The following WDR27 variants were observed in gnomAD, a reference collection of about 807,000 sequenced individuals.
WDR27 encodes WD repeat-containing protein 27.
In WDR27, 100 loss-of-function variants were observed where a neutral mutation model predicts 114.4. The ratio of observed to expected loss-of-function variants is 0.87; its 90% CI spans 0.74 to 1.03. WDR27 has a LOEUF of 1.03. Ranked by LOEUF, WDR27 falls within the 50% of genes least tolerant of loss-of-function variation. WDR27 has a pLI of 0.00. For synonymous variants in WDR27, 449 were observed against 423.1 expected (o/e 1.06, Z -0.75); for missense variants, 1,129 against 1,092.9 (o/e 1.03, Z -0.47).
intron 1 of WDR27, among the ~76,000 whole-genome samples, chr6:169,700,672 T>C (rs150309617): frequency 0.016 from 2,486 of 152,318 alleles, 42 homozygotes; most frequent in African/African-American, 0.041. Context: ...TACACAGGAC[T>C]GTGTGAGCAA....
chr6:169,581,024 C>G (rs7752938), intron 24 of WDR27, among the ~76,000 whole-genome samples: 1 of 149,486 alleles, frequency 6.7e-6, no homozygotes, highest in Non-Finnish European at 1.5e-5. Flanking sequence ...TATACGTATA[C>G]ATAACTGGTT....
intron 23 of WDR27, among the ~76,000 whole-genome samples, chr6:169,601,024 A>C (rs1019057587): frequency 5.3e-5 from 8 of 152,296 alleles, no homozygotes; most frequent in African/African-American, 1.9e-4. Context: ...AGATTCACCA[A>C]AGTTGAAATG....
intron 9 of WDR27, among the ~76,000 whole-genome samples, chr6:169,661,618 G>C (rs958728619): frequency 2.6e-5 from 4 of 152,144 alleles, no homozygotes; most frequent in Admixed American, 6.5e-5. Context: ...CTCTGCTCGA[G>C]GTAAGCCAGG....
the WDR27 span, among the ~76,000 whole-genome samples, chr6:169,447,414 G>T: frequency 0.018 from 2,757 of 152,162 alleles, 84 homozygotes; most frequent in African/African-American, 0.063. Context: ...ATTTTAGTGG[G>T]AAATCTCTGG....
intron 14 of WDR27, among the ~76,000 whole-genome samples, chr6:169,650,344 T>G (rs1466522488): frequency 8.7e-6 from 1 of 114,830 alleles, no homozygotes; most frequent in Non-Finnish European, 1.8e-5. Flanking sequence ...CATCCATCCC[T>G]CATCTCTGCA....
intron 22 of WDR27, among the ~76,000 whole-genome samples, chr6:169,607,264 G>A (rs1809400024): frequency 6.6e-6 from 1 of 152,058 alleles, no homozygotes; most frequent in Non-Finnish European, 1.5e-5. Flanking sequence ...AAGAAGTCAT[G>A]ATTTCAAAAA....
In WDR27 at chr6:169,665,882, G is replaced by A. The variant is rs969647306; in HGVS notation, c.713-326C>T. On this transcript the variant is annotated intron_variant, in intron 6 of 25. Transcript: ENST00000448612. ...TGGGCTTAAACCACGGCCCAGCTCC[G>A]GCTGCTTTATAGCCTAGAGGGAGGG... Among the ~76,000 whole-genome samples, 12 of 152,248 alleles carry A rather than the reference G, an allele frequency of 7.9e-5. No individual in the cohort carries two copies. In the South Asian group the frequency reaches 1.2e-3, roughly 16 times the overall value.
At chr6:169,496,512 C>G (rs937933650) in intron 25 of WDR27, among the ~76,000 whole-genome samples, 4 of 152,084 alleles carry the variant, frequency 2.6e-5, no homozygotes, top group Non-Finnish European at 5.9e-5. Flanking sequence ...GTACAATTAT[C>G]TTTGTTTGCA....
chr6:169,493,127 A>G (rs1485575444), intron 25 of WDR27, among the ~76,000 whole-genome samples: 1 of 152,082 alleles, frequency 6.6e-6, no homozygotes, highest in Non-Finnish European at 1.5e-5. Flanking sequence ...TTGGATTAAA[A>G]TTATAAAATT....
intron 25 of WDR27, among the ~76,000 whole-genome samples, chr6:169,520,997 C>A (rs765882358): frequency 6.6e-6 from 1 of 151,962 alleles, no homozygotes; most frequent in Non-Finnish European, 1.5e-5. Context: ...AGAAAACTTG[C>A]CAAACTTTGA....
intron 7 of WDR27, 21 bp downstream of exon 7, chr6:169,665,465 T>C (rs1827577639): frequency 6.2e-7 from 1 of 1,608,440 alleles, no homozygotes; most frequent in Non-Finnish European, 8.5e-7. Context: ...GAACTGGAAC[T>C]TAACTCTGTG....
At chr6:169,464,864 T>C (rs768005842) in intron 25 of WDR27, among the ~76,000 whole-genome samples, 1 of 152,280 alleles carries the variant, frequency 6.6e-6, no homozygotes, top group Non-Finnish European at 1.5e-5. Context: ...CCCATGCCTG[T>C]AATCCCAGCA....
intron 23 of WDR27, among the ~76,000 whole-genome samples, chr6:169,588,519 T>C (rs540877801): frequency 1.6e-4 from 25 of 152,336 alleles, no homozygotes; most frequent in African/African-American, 5.5e-4. Context: ...AAAAAAATCA[T>C]GTATAAGTGG....
intron 25 of WDR27, among the ~76,000 whole-genome samples, chr6:169,469,785 C>T (rs1786097533): frequency 6.6e-6 from 1 of 152,210 alleles, no homozygotes; most frequent in East Asian, 1.9e-4. Context: ...CATTAGTTTA[C>T]ACTGGCAATG....
At chr6:169,652,128 A>G (rs1822757300) in intron 13 of WDR27, 120 bp from the exon 14 acceptor site, 3 of 851,476 alleles carry the variant, frequency 3.5e-6, no homozygotes, top group Non-Finnish European at 5.4e-6. Flanking sequence ...TGAATTCCTG[A>G]CCATAAATTT....
At chr6:169,485,235 C>T (rs1788723450) in intron 25 of WDR27, among the ~76,000 whole-genome samples, 1 of 152,146 alleles carries the variant, frequency 6.6e-6, no homozygotes, top group South Asian at 2.1e-4. Context: ...AGATAACCTA[C>T]AGGATAAGAT....
rs541398623 is a variant in WDR27, at chr6:169,482,582, G to C, written c.2646-24948C>G. Among the ~76,000 whole-genome samples, 7 of 152,278 alleles carry C rather than the reference G, an allele frequency of 4.6e-5. No homozygotes were observed. The South Asian group carries it at 1.0e-3, about 23-fold the overall frequency. On this transcript the variant is annotated intron_variant, in intron 25 of 25. Transcript: ENST00000448612. Reference sequence around the variant, plus strand: ...AGATTTAGTCTTTTGTGCAATAACAGTGGGAGACTTCAACACCCCCACTGA... The same window carrying C: ...AGATTTAGTCTTTTGTGCAATAACACTGGGAGACTTCAACACCCCCACTGA...
In WDR27 at chr6:169,560,333, C is replaced by T. The variant is rs1799515432; in HGVS notation, c.2645+12086G>A. Among the ~76,000 whole-genome samples, 7 of 152,216 alleles carry T rather than the reference C, an allele frequency of 4.6e-5. No homozygotes were observed. In the South Asian group the frequency reaches 1.4e-3, roughly 32 times the overall value. ...AGGCCTCCCCAGCCATATGGAACCG[C>T]AAGTCAAATTAAACCTACTTTTCTC... On this transcript the variant is annotated intron_variant, in intron 25 of 25. Coordinates refer to ENST00000448612, the MANE Select transcript of WDR27 (RefSeq NM_182552.5).
In WDR27 at chr6:169,636,523, A is replaced by G. The variant is rs1402000041; in HGVS notation, c.1870-19T>C. On this transcript the variant is annotated intron_variant, in intron 18 of 25. Coordinates refer to ENST00000448612, the MANE Select transcript of WDR27 (RefSeq NM_182552.5). ...CTTTGCCCTGTAATGCAAATCAGTA[A>G]TTACTGTCAATATAATAAATGTTAA... is the stretch of plus-strand genomic sequence containing the variant. 3.2e-6 allele frequency: 5 copies of G among 1,582,786 alleles called. No homozygotes were observed. Among genetic ancestry groups the G allele is most frequent in the Non-Finnish European group, 4.3e-6 (5 of 1,165,832 alleles).
Sources: gnomAD v4.1 joint callset for allele counts (sites outside exome capture counted in the v4.1 genomes callset) on GRCh38, gnomAD v4.1.1 for gene constraint, MANE v1.5 for transcripts, NCBI Gene and HGNC (gene_info 2026-07-23, HGNC 2026-07-21) for gene names.